Variants in MEI4 observed in about 807,000 individuals in gnomAD.
MEI4 encodes meiosis-specific protein MEI4.
In MEI4, 27 loss-of-function variants were observed where a neutral mutation model predicts 31.4. The ratio of observed to expected loss-of-function variants is 0.86; its 90% CI spans 0.63 to 1.19. MEI4 has a LOEUF of 1.19. MEI4 is among the 50% of genes most tolerant of loss of function. The pLI is 0.00. For synonymous variants in MEI4, 122 were observed against 145.4 expected (o/e 0.84, Z 1.16); for missense variants, 329 against 398.9 (o/e 0.82, Z 1.49).
At chr6:77,872,029 G>A (rs181460121) in intron 4 of MEI4, among the ~76,000 whole-genome samples, 145 of 152,198 alleles carry the variant, frequency 9.5e-4, no homozygotes, top group African/African-American at 3.4e-3. Context: ...CTCCAAGTTT[G>A]CTTGGATCAT....
At chr6:77,721,208 CAAT>C (rs1395756106) in intron 2 of MEI4, among the ~76,000 whole-genome samples, 1 of 131,650 alleles carries the variant, frequency 7.6e-6, no homozygotes, top group Non-Finnish European at 1.6e-5. Flanking sequence ...TAATGATTAT[CAAT>C]AATTCCCACA....
chr6:77,864,151 G>A (rs1770951771), intron 4 of MEI4, among the ~76,000 whole-genome samples: 2 of 152,160 alleles, frequency 1.3e-5, no homozygotes, highest in East Asian at 3.9e-4. Context: ...GACCATCGAG[G>A]CTAGGAAGTA....
chr6:77,897,059 A>G (rs1363751983), intron 4 of MEI4, among the ~76,000 whole-genome samples: 1 of 151,998 alleles, frequency 6.6e-6, no homozygotes, highest in Non-Finnish European at 1.5e-5. Flanking sequence ...TATTGTTATT[A>G]TTTCCAAGTT....
intron 4 of MEI4, among the ~76,000 whole-genome samples, chr6:77,857,863 G>T (rs921829293): frequency 6.6e-6 from 1 of 152,162 alleles, no homozygotes; most frequent in Admixed American, 6.5e-5. Context: ...TTAACCGTAT[G>T]TATTGAGGGA....
intron 4 of MEI4, among the ~76,000 whole-genome samples, chr6:77,883,744 A>ACATATATATAT (rs1491236242): frequency 2.7e-4 from 34 of 124,960 alleles, no homozygotes; most frequent in East Asian, 7.8e-4. Context: ...ATATATATAT[A>ACATATATATAT]ACTTTGTCTT....
intron 4 of MEI4, among the ~76,000 whole-genome samples, chr6:77,864,396 C>G (rs1055335084): frequency 1.3e-5 from 2 of 152,052 alleles, no homozygotes; most frequent in East Asian, 1.9e-4. Context: ...ATCTACCAAG[C>G]AAATGGAAAA....
At chr6:77,866,857 G>A (rs1027903086) in intron 4 of MEI4, among the ~76,000 whole-genome samples, 1 of 152,164 alleles carries the variant, frequency 6.6e-6, no homozygotes, top group Non-Finnish European at 1.5e-5. Context: ...ACAGCGTGGT[G>A]CTGGTACCAA....
intron 4 of MEI4, among the ~76,000 whole-genome samples, chr6:77,863,200 G>T (rs2127721941): frequency 6.6e-6 from 1 of 152,290 alleles, no homozygotes; most frequent in South Asian, 2.1e-4. Context: ...AAGCAACGCA[G>T]CTCCTCACCA....
At position 77,805,887 on chromosome 6, in the gene MEI4, G is replaced by A. The variant is rs931665673; in HGVS notation, c.769-23044G>A. ...TAACAACAAAATTTGTTAAGCATTA[G>A]AATGGATTATTAGAGAAAGTTATAA... On this transcript the variant is annotated intron_variant, in intron 3 of 4. Coordinates refer to ENST00000684080, the MANE Select transcript of MEI4 (RefSeq NM_001322247.2). 2.6e-5 allele frequency among the ~76,000 whole-genome samples: 4 copies of A among 151,820 alleles called. No homozygotes were observed. The East Asian group carries it at 5.8e-4, about 22-fold the overall frequency.
intron 3 of MEI4, among the ~76,000 whole-genome samples, chr6:77,808,754 T>A (rs764057730): frequency 6.6e-6 from 1 of 152,132 alleles, no homozygotes; most frequent in Non-Finnish European, 1.5e-5. Flanking sequence ...GCCTTTGGGA[T>A]CAAGCCCTTA....
In MEI4 at chr6:77,847,847, G is replaced by A. The variant is rs149925227; in HGVS notation, c.900+18785G>A. 1.4e-3 allele frequency among the ~76,000 whole-genome samples: 212 copies of A among 152,188 alleles called. 1 individual carries two copies. Among genetic ancestry groups the A allele is most frequent in the African/African-American group, 4.5e-3 (186 of 41,546 alleles). ...TGAGGATTTTCACTTTAAATAAAAT[G>A]TAGTAATCTGTAATCAATAACTCTT... On this transcript the variant is annotated intron_variant, in intron 4 of 4. Coordinates refer to ENST00000684080, the MANE Select transcript of MEI4 (RefSeq NM_001322247.2). This position sits in a 1 kb window ranked among gnomAD's most constrained non-coding sequence, Gnocchi z 4.6.
chr6:77,783,251 T>C (rs1768640164), intron 3 of MEI4, among the ~76,000 whole-genome samples: 1 of 152,202 alleles, frequency 6.6e-6, no homozygotes, highest in Non-Finnish European at 1.5e-5. Context: ...GGTGAGCATA[T>C]ATATGGCAAT....
chr6:77,729,940 G>A (rs1311051605), intron 2 of MEI4, among the ~76,000 whole-genome samples: 1 of 152,056 alleles, frequency 6.6e-6, no homozygotes, highest in African/African-American at 2.4e-5. Context: ...AGCAAGGGAG[G>A]CTCGGGAGAA....
In MEI4 at chr6:77,807,411, AT is replaced by A. The variant is rs555108743; in HGVS notation, c.769-21519del. Among the ~76,000 whole-genome samples the A allele has an allele frequency of 1.6e-4, 25 of 152,218 alleles. No individual in the cohort carries two copies. In the East Asian group the frequency reaches 4.3e-3, roughly 26 times the overall value. On this transcript the variant is annotated intron_variant, in intron 3 of 4. Coordinates refer to ENST00000684080, the MANE Select transcript of MEI4 (RefSeq NM_001322247.2). The stretch of plus-strand genomic sequence containing the variant: ...GGCCCTTATTTTAAAGCTCTTCATT[AT>A]GGGAATTTTTAAACATTTACAAAAG...
chr6:77,671,074 T>G (rs1768730417), intron 1 of MEI4, among the ~76,000 whole-genome samples: 1 of 149,694 alleles, frequency 6.7e-6, no homozygotes. Context: ...TTTTTTTTTT[T>G]TGAGATGGAG....
At chr6:77,920,701 C>T (rs1398677252) in intron 4 of MEI4, among the ~76,000 whole-genome samples, 1 of 151,800 alleles carries the variant, frequency 6.6e-6, no homozygotes, top group East Asian at 1.9e-4. Context: ...GACTTATAAA[C>T]AAAAATTACT....
rs1462172724 is a variant in MEI4, at chr6:77,925,654, A to AGAT, written c.*2309_*2311dup. On this transcript the variant is annotated 3_prime_UTR_variant, in exon 5 of 5. Transcript: ENST00000684080. ...TTGGGCAGCATTGAAACTGGATATA[A>AGAT]GATAGGATAGGAAATAAAGAGAACC... 2 of 151,352 alleles carry AGAT rather than the reference A, an allele frequency of 1.3e-5. No individual in the cohort carries two copies. Among genetic ancestry groups the AGAT allele is most frequent in the Non-Finnish European group, 3.0e-5 (2 of 67,724 alleles). 9.4% of individuals were successfully genotyped at this position (151,352 alleles called of 1,614,324 possible).
chr6:77,738,880 A>G (rs1767323231), intron 2 of MEI4, among the ~76,000 whole-genome samples: 1 of 152,166 alleles, frequency 6.6e-6, no homozygotes, highest in Non-Finnish European at 1.5e-5. Context: ...TTGGCCGCAT[A>G]AATGTCTTCT....
At chr6:77,666,588 TA>T (rs1184861567) in intron 1 of MEI4, among the ~76,000 whole-genome samples, 1 of 152,134 alleles carries the variant, frequency 6.6e-6, no homozygotes, top group Non-Finnish European at 1.5e-5. Flanking sequence ...TACAGATGAG[TA>T]AACTGAGGCA....
Sources: gnomAD v4.1 joint callset for allele counts (sites outside exome capture counted in the v4.1 genomes callset) on GRCh38, gnomAD v4.1.1 for gene constraint, Gnocchi (gnomAD v3.1) non-coding constraint, MANE v1.5 for transcripts, NCBI Gene and HGNC (gene_info 2026-07-23, HGNC 2026-07-21) for gene names.